The following SAMD3 variants were observed in gnomAD, a reference collection of about 807,000 sequenced individuals.
The protein encoded by SAMD3 is sterile alpha motif domain containing 3, also known as sterile alpha motif domain-containing protein 3.
SAMD3 carries 63 observed loss-of-function variants against 58.5 expected under a neutral mutation model. The observed-to-expected ratio is 1.08, with a 90% CI of 0.88 to 1.33. The LOEUF (loss-of-function observed/expected upper bound fraction) is 1.33, where lower values mean the gene tolerates loss of function less well. Ranked by LOEUF, SAMD3 falls within the 40% of genes most tolerant of loss-of-function variation. The pLI is 0.00. For synonymous variants in SAMD3, 220 were observed against 210.3 expected (o/e 1.05, Z -0.40); for missense variants, 604 against 608.4 (o/e 0.99, Z 0.08).
At chr6:130,363,058 T>G (rs1046906436) in intron 1 of SAMD3, among the ~76,000 whole-genome samples, 5 of 152,298 alleles carry the variant, frequency 3.3e-5, no homozygotes, top group African/African-American at 1.2e-4. Flanking sequence ...GACTTTACCC[T>G]CTACTTTGAA....
intron 5 of SAMD3, among the ~76,000 whole-genome samples, chr6:130,202,454 A>G (rs1393633305): frequency 6.6e-6 from 1 of 152,210 alleles, no homozygotes; most frequent in Non-Finnish European, 1.5e-5. Context: ...AGGCTTGGTC[A>G]GTTTTTCCCT....
chr6:130,298,723 C>T (rs1011066146), intron 2 of SAMD3, among the ~76,000 whole-genome samples: 2 of 152,046 alleles, frequency 1.3e-5, no homozygotes, highest in Admixed American at 1.3e-4. Flanking sequence ...GCTTCCACCG[C>T]CTTCAAGAGA....
intron 1 of SAMD3, among the ~76,000 whole-genome samples, chr6:130,315,644 C>A (rs1776337154): frequency 1.3e-5 from 2 of 151,880 alleles, no homozygotes; most frequent in Non-Finnish European, 2.9e-5. Context: ...GATTCACCTG[C>A]CTAAGTTATT....
chr6:130,263,820 T>A (rs914161032), intron 2 of SAMD3, among the ~76,000 whole-genome samples: 16 of 152,182 alleles, frequency 1.1e-4, no homozygotes, highest in Non-Finnish European at 2.4e-4. Flanking sequence ...CGGGGGAGAT[T>A]TCGATAAAGA....
intron 1 of SAMD3, among the ~76,000 whole-genome samples, chr6:130,320,239 G>T (rs545267533): frequency 2.2e-4 from 33 of 152,180 alleles, no homozygotes; most frequent in African/African-American, 7.7e-4. Context: ...AAGAAATGGG[G>T]GAAATCTGAA....
At chr6:130,157,777 T>C (rs1789923270) in intron 8 of SAMD3, among the ~76,000 whole-genome samples, 1 of 152,166 alleles carries the variant, frequency 6.6e-6, no homozygotes, top group Non-Finnish European at 1.5e-5. Context: ...ATTGAAAAGA[T>C]AGAAACGAAA....
chr6:130,243,427 A>G (rs1773432540), intron 2 of SAMD3, among the ~76,000 whole-genome samples: 1 of 152,150 alleles, frequency 6.6e-6, no homozygotes, highest in South Asian at 2.1e-4. Flanking sequence ...AAAGAATACA[A>G]GACAGAGGGG....
intron 1 of SAMD3, among the ~76,000 whole-genome samples, chr6:130,362,443 T>C (rs1048512295): frequency 1.3e-5 from 2 of 152,240 alleles, no homozygotes; most frequent in Non-Finnish European, 2.9e-5. Flanking sequence ...AAATCTCTAT[T>C]ATCTTCTACA....
chr6:130,233,650 G>A (rs1796606798), intron 2 of SAMD3, among the ~76,000 whole-genome samples: 1 of 152,092 alleles, frequency 6.6e-6, no homozygotes, highest in Non-Finnish European at 1.5e-5. Flanking sequence ...TGTTCTTTGG[G>A]GTATGCTGGT....
At chr6:130,238,899 C>A (rs1216507444) in intron 2 of SAMD3, among the ~76,000 whole-genome samples, 3 of 152,144 alleles carry the variant, frequency 2.0e-5, no homozygotes, top group Non-Finnish European at 1.5e-5. Flanking sequence ...GCTGGGATTA[C>A]AGGTGCCCAC....
intron 1 of SAMD3, among the ~76,000 whole-genome samples, chr6:130,315,861 G>T (rs1776345931): frequency 6.6e-6 from 1 of 152,088 alleles, no homozygotes; most frequent in South Asian, 2.1e-4. Context: ...CCCCAAAGTA[G>T]GATCCCCTGA....
intron 10 of SAMD3, 126 bp from the exon 11 acceptor site, chr6:130,145,548 C>A (rs1788545490): frequency 3.5e-6 from 2 of 579,586 alleles, no homozygotes; most frequent in South Asian, 2.3e-5. Context: ...CTTCTTAGAT[C>A]AATGTTTCAC....
At chr6:130,203,322 A>G (rs1424077896) in intron 5 of SAMD3, among the ~76,000 whole-genome samples, 6 of 152,238 alleles carry the variant, frequency 3.9e-5, no homozygotes, top group Admixed American at 3.9e-4. Flanking sequence ...AAGAAAAGTG[A>G]GACCTAGTAA....
intron 2 of SAMD3, among the ~76,000 whole-genome samples, chr6:130,290,223 G>A (rs1775319485): frequency 6.6e-6 from 1 of 152,128 alleles, no homozygotes; most frequent in South Asian, 2.1e-4. Flanking sequence ...TGATTATGCG[G>A]ACTGGCAAGT....
At chr6:130,294,510 A>G (rs1248131341) in intron 2 of SAMD3, among the ~76,000 whole-genome samples, 2 of 152,106 alleles carry the variant, frequency 1.3e-5, no homozygotes, top group Non-Finnish European at 2.9e-5. Context: ...AAGGTAAAAC[A>G]TTGTTTCTTT....
chr6:130,334,338 T>C (rs1777037268), intron 1 of SAMD3, among the ~76,000 whole-genome samples: 1 of 152,070 alleles, frequency 6.6e-6, no homozygotes, highest in African/African-American at 2.4e-5. Context: ...AAAAAACTTT[T>C]AAGGAAAAAA....
intron 8 of SAMD3, among the ~76,000 whole-genome samples, chr6:130,156,452 A>G (rs1056165726): frequency 6.6e-6 from 1 of 152,246 alleles, no homozygotes; most frequent in African/African-American, 2.4e-5. Flanking sequence ...TCATGAACAA[A>G]GTTGCAGATA....
intron 1 of SAMD3, among the ~76,000 whole-genome samples, chr6:130,349,582 C>T (rs867870698): frequency 1.3e-5 from 2 of 152,134 alleles, no homozygotes; most frequent in Non-Finnish European, 2.9e-5. Context: ...TAATTAATAG[C>T]TTACCAACCA....
chr6:130,256,157 C>A (rs1030900115), intron 2 of SAMD3, among the ~76,000 whole-genome samples: 1 of 151,226 alleles, frequency 6.6e-6, no homozygotes, highest in South Asian at 2.1e-4. Context: ...GATAAAGATG[C>A]ACACTGGAAA....
Sources: gnomAD v4.1 joint callset for allele counts (sites outside exome capture counted in the v4.1 genomes callset) on GRCh38, gnomAD v4.1.1 for gene constraint, MANE v1.5 for transcripts, NCBI Gene and HGNC (gene_info 2026-07-23, HGNC 2026-07-21) for gene names.